Variants in ALDH5A1 observed in about 807,000 individuals in gnomAD.
ALDH5A1 encodes aldehyde dehydrogenase 5 family member A1, also known as succinate-semialdehyde dehydrogenase, mitochondrial.
In ALDH5A1, 33 loss-of-function variants were observed where a neutral mutation model predicts 54.7. The observed-to-expected ratio is 0.60, with a 90% CI of 0.46 to 0.81. ALDH5A1 has a LOEUF of 0.81. ALDH5A1 is among the 30% of genes least tolerant of loss of function. The pLI is 0.00. For synonymous variants in ALDH5A1, 294 were observed against 292.7 expected, an observed-to-expected ratio of 1.00 and a Z score of -0.05; for missense variants, 657 against 711.0, an observed-to-expected ratio of 0.92 and a Z score of 0.86.
intron 7 of ALDH5A1, 77 bp downstream of exon 7, chr6:24,523,002 G>T: frequency 1.5e-6 from 2 of 1,374,118 alleles, no homozygotes; most frequent in Non-Finnish European, 2.0e-6. Context: ...AAAACACTTT[G>T]GCTGGAGGGG....
At chr6:24,513,029 CT>C (rs1759488949) in intron 4 of ALDH5A1, among the ~76,000 whole-genome samples, 1 of 151,812 alleles carries the variant, frequency 6.6e-6, no homozygotes, top group African/African-American at 2.4e-5. Context: ...TTCTGGTATG[CT>C]TTTGTTGTCT....
At position 24,533,918 on chromosome 6, in the gene ALDH5A1, G is replaced by A. The variant is rs1759988231; in HGVS notation, c.*206G>A. The A allele has an allele frequency of 9.3e-6, 5 of 536,870 alleles. No individual in the cohort carries two copies. Among genetic ancestry groups the A allele is most frequent in the East Asian group, 3.5e-5 (1 of 28,712 alleles). 33.3% of individuals were successfully genotyped at this position (536,870 alleles called of 1,614,324 possible). A position where few individuals can be genotyped will look rare whatever the true frequency, so the allele number is the denominator to read the frequency against. ...CAATATGTGCCACGTGCCTGTGGCT[G>A]CAGACTCCCAGAGAACCAGCACTGG... is the stretch of plus-strand genomic sequence containing the variant. On this transcript the variant is annotated 3_prime_UTR_variant, in exon 10 of 10. Transcript: ENST00000357578.
chr6:24,519,934 A>G (rs1759645704), intron 5 of ALDH5A1, among the ~76,000 whole-genome samples: 1 of 151,856 alleles, frequency 6.6e-6, no homozygotes, highest in Non-Finnish European at 1.5e-5. Flanking sequence ...ACACTTACTT[A>G]TATGGTTGAA....
chr6:24,520,677 A>C (rs1759666233), intron 6 of ALDH5A1, 133 bp downstream of exon 6: 2 of 1,333,620 alleles, frequency 1.5e-6, no homozygotes, highest in African/African-American at 2.9e-5. Flanking sequence ...AGATCCCACC[A>C]CCTCTACTGC....
chr6:24,505,916 C>T (rs1470274886), intron 4 of ALDH5A1, among the ~76,000 whole-genome samples: 1 of 144,474 alleles, frequency 6.9e-6, no homozygotes, highest in African/African-American at 2.6e-5. Context: ...TGCAGTGAGC[C>T]GAGATGGTGT....
intron 4 of ALDH5A1, among the ~76,000 whole-genome samples, chr6:24,506,293 A>C (rs1287838624): frequency 1.1e-5 from 1 of 89,122 alleles, no homozygotes; most frequent in Non-Finnish European, 2.2e-5. Flanking sequence ...TCGCTCTGTC[A>C]CCCAGGCTGG....
At chr6:24,497,247 G>A (rs568147863) in intron 1 of ALDH5A1, among the ~76,000 whole-genome samples, 3 of 152,270 alleles carry the variant, frequency 2.0e-5, no homozygotes, top group South Asian at 4.1e-4. Flanking sequence ...CCAGTGTTCC[G>A]TTTCTGTCCC....
intron 1 of ALDH5A1, among the ~76,000 whole-genome samples, chr6:24,499,415 C>A (rs186828881): frequency 1.6e-3 from 247 of 152,120 alleles, no homozygotes; most frequent in Non-Finnish European, 2.6e-3. Context: ...ATTCTCTAGG[C>A]CTTCCTCATT....
Position 24,533,827 on chromosome 6 carries a change from C to A in ALDH5A1, c.*115C>A. 1 of 1,016,662 alleles carries A rather than the reference C, an allele frequency of 9.8e-7. No individual in the cohort carries two copies. The highest frequency in any genetic ancestry group is 1.5e-6 in the Non-Finnish European group (1 of 687,646). The allele number at this position is 1,016,662 out of a possible 1,614,324, so 63.0% of individuals were successfully genotyped here. A position where few individuals can be genotyped will look rare whatever the true frequency, so the allele number is the denominator to read the frequency against. On this transcript the variant is annotated 3_prime_UTR_variant, in exon 10 of 10. Transcript: ENST00000357578. ...TTTCAGAATTATGAATTTTTCAGAA[C>A]TCATCCAGTCCTTGTAATCTTAAAC...
chr6:24,527,224 A>G (rs1759830105), intron 7 of ALDH5A1, among the ~76,000 whole-genome samples: 1 of 151,920 alleles, frequency 6.6e-6, no homozygotes, highest in Admixed American at 6.6e-5. Context: ...ACAAAACACC[A>G]GAAACTTGGT....
chr6:24,511,609 A>G (rs1031392401), intron 4 of ALDH5A1, among the ~76,000 whole-genome samples: 5 of 151,392 alleles, frequency 3.3e-5, no homozygotes, highest in Admixed American at 2.6e-4. Flanking sequence ...GTTCAATTCT[A>G]TTGCTGAGGC....
chr6:24,533,995 C>G lies in ALDH5A1; in HGVS notation c.*283C>G. 1 of 402,452 alleles carries G rather than the reference C, an allele frequency of 2.5e-6. No individual in the cohort carries two copies. The highest frequency in any genetic ancestry group is 4.7e-6 in the Non-Finnish European group (1 of 214,230). The allele number at this position is 402,452 out of a possible 1,614,324, so 24.9% of individuals were successfully genotyped here. On this transcript the variant is annotated 3_prime_UTR_variant, in exon 10 of 10. Transcript: ENST00000357578. ...CACCACAGCCCCAGCTGCCTCAGAG[C>G]AGGCACAGCACAAGGCAGGCCCAGC... is the stretch of plus-strand genomic sequence containing the variant.
At chr6:24,503,178 G>A in intron 2 of ALDH5A1, 85 bp from the exon 3 acceptor site, 1 of 1,515,416 alleles carries the variant, frequency 6.6e-7, no homozygotes, top group Non-Finnish European at 9.0e-7. Flanking sequence ...TTCTACTCTT[G>A]TTGCATCTTG....
intron 7 of ALDH5A1, among the ~76,000 whole-genome samples, chr6:24,523,342 AT>A (rs1232152193): frequency 6.6e-6 from 1 of 151,212 alleles, no homozygotes; most frequent in Admixed American, 6.6e-5. Context: ...GCTAAAAAAA[AT>A]GATGTTAAAA....
intron 8 of ALDH5A1, among the ~76,000 whole-genome samples, chr6:24,531,590 T>C (rs1236236852): frequency 1.3e-5 from 2 of 152,182 alleles, no homozygotes; most frequent in Non-Finnish European, 2.9e-5. Context: ...ATCTTATTCC[T>C]GAAATAAAAT....
chr6:24,502,900 TG>T (rs1319875438), intron 2 of ALDH5A1, among the ~76,000 whole-genome samples: 1 of 151,918 alleles, frequency 6.6e-6, no homozygotes, highest in Non-Finnish European at 1.5e-5. Flanking sequence ...CTGTTTTGGT[TG>T]TTTTTTTTTT....
chr6:24,504,585 A>T (rs1759298630), intron 3 of ALDH5A1, among the ~76,000 whole-genome samples: 1 of 152,236 alleles, frequency 6.6e-6, no homozygotes, highest in South Asian at 2.1e-4. Context: ...AGCCTAAAAA[A>T]TTTACGATCT....
chr6:24,520,891 G>C (rs978420674), intron 6 of ALDH5A1, among the ~76,000 whole-genome samples: 2 of 152,210 alleles, frequency 1.3e-5, no homozygotes, highest in African/African-American at 2.4e-5. Flanking sequence ...ATTGTTCTCT[G>C]TTTTCTTCTT....
At position 24,501,920 on chromosome 6, in the gene ALDH5A1, T is replaced by C. The variant is rs2744580; in HGVS notation, c.355-603T>C. Among the ~76,000 whole-genome samples, 622 of 98,954 alleles carry C rather than the reference T, an allele frequency of 6.3e-3. 6 individuals carry two copies. The highest frequency in any genetic ancestry group is 0.018 in the African/African-American group (564 of 30,610). The allele number at this position is 98,954 out of a possible 152,430, so 64.9% of individuals were successfully genotyped here. A position where few individuals can be genotyped will look rare whatever the true frequency, so the allele number is the denominator to read the frequency against. ...ATGTGTGTGTGTGTGTGTGGGTGTA[T>C]ATATATATGTGTGTGTGTGTATATA... is the stretch of plus-strand genomic sequence containing the variant. On this transcript the variant is annotated intron_variant, in intron 1 of 9. Transcript: ENST00000357578.
Sources: allele counts gnomAD v4.1 joint callset (sites outside exome capture counted in the v4.1 genomes callset), GRCh38; gene constraint gnomAD v4.1.1; transcripts MANE v1.5; gene names NCBI Gene and HGNC (gene_info 2026-07-23, HGNC 2026-07-21).